The following IQSEC2 variants were observed in gnomAD, a reference collection of about 807,000 sequenced individuals.
IQSEC2 encodes IQ motif and Sec7 domain ArfGEF 2, also known as IQ motif and SEC7 domain-containing protein 2.
Under a neutral mutation model 74.6 loss-of-function variants are expected in IQSEC2, and 6 were observed. That is an observed-to-expected ratio of 0.08 (90% CI 0.04 to 0.16). The LOEUF is 0.16. IQSEC2 is among the 10% of genes least tolerant of loss of function. IQSEC2 has a pLI of 1.00. For synonymous variants in IQSEC2, 494 were observed against 544.5 expected (o/e 0.91, Z 1.29); for missense variants, 734 against 1,306.2 (o/e 0.56, Z 6.75).
intron 2 of IQSEC2, chrX:53,279,536 T>C (rs782730767): frequency 2.1e-6 from 2 of 936,678 alleles, no homozygotes; most frequent in African/African-American, 3.9e-5. Context: ...GGAGGAGGAA[T>C]TGGGGGAGGG....
At chrX:53,294,545 C>T (rs1254147908) in intron 1 of IQSEC2, among the ~76,000 whole-genome samples, 1 of 112,189 alleles carries the variant, frequency 8.9e-6, no homozygotes. Flanking sequence ...CCCTAATTGG[C>T]AGTGTGAACT....
intron 2 of IQSEC2, chrX:53,279,925 G>GCGA (rs2074919861): frequency 4.1e-6 from 1 of 245,067 alleles, no homozygotes; most frequent in African/African-American, 3.7e-5. Context: ...GAGGGAGGGA[G>GCGA]GGAGGGAGGA....
At chrX:53,290,930 A>G (rs1319631725) in intron 2 of IQSEC2, among the ~76,000 whole-genome samples, 3 of 112,649 alleles carry the variant, frequency 2.7e-5, no homozygotes, top group African/African-American at 6.5e-5. Flanking sequence ...GCTATGCTCA[A>G]TGGAGCCACT....
chrX:53,285,723 A>G (rs1321083586), intron 2 of IQSEC2, among the ~76,000 whole-genome samples: 4 of 112,587 alleles, frequency 3.6e-5, no homozygotes, highest in African/African-American at 1.3e-4. Context: ...AAAACTATCA[A>G]TTTTATTAAA....
intron 1 of IQSEC2, among the ~76,000 whole-genome samples, chrX:53,317,271 G>C (rs1232494805): frequency 9.0e-6 from 1 of 111,673 alleles, no homozygotes; most frequent in African/African-American, 3.3e-5. Context: ...ACCAAAAGGA[G>C]ACAGGGACGC....
At chrX:53,256,463 C>A (rs1172868783) in intron 2 of IQSEC2, among the ~76,000 whole-genome samples, 1 of 110,972 alleles carries the variant, frequency 9.0e-6, no homozygotes, top group Non-Finnish European at 1.9e-5. Flanking sequence ...GCTCCATCCC[C>A]TCCTGGCCTT....
chrX:53,293,012 C>T (rs1010747466), intron 1 of IQSEC2, among the ~76,000 whole-genome samples: 1 of 112,284 alleles, frequency 8.9e-6, no homozygotes, highest in African/African-American at 3.2e-5. Context: ...AGCACAGGCT[C>T]TGTCCTCAGC....
chrX:53,289,942 G>C (rs918061360), intron 2 of IQSEC2, among the ~76,000 whole-genome samples: 2 of 112,254 alleles, frequency 1.8e-5, no homozygotes, highest in Non-Finnish European at 3.8e-5. Context: ...CATTAAATAA[G>C]ATCATATTCC....
At chrX:53,300,526 T>G (rs1237214370) in intron 1 of IQSEC2, among the ~76,000 whole-genome samples, 1 of 111,654 alleles carries the variant, frequency 9.0e-6, no homozygotes, top group Non-Finnish European at 1.9e-5. Context: ...GAGCTCCTGG[T>G]AGTCAGGCGC....
At chrX:53,278,136 G>A (rs1430566061) in intron 2 of IQSEC2, among the ~76,000 whole-genome samples, 1 of 101,915 alleles carries the variant, frequency 9.8e-6, no homozygotes. Context: ...TCAGCCTCTC[G>A]AGTAGCTGGG....
At position 53,271,852 on chromosome X, in the gene IQSEC2, G is replaced by A. The variant is rs138485030; in HGVS notation, c.738-15791C>T. ...ATATTGGTTCTCAAGCTTTTTGAGG[G>A]GAATGCAAACCCCTTTACCAATTTA... is the stretch of plus-strand genomic sequence containing the variant. On this transcript the variant is annotated intron_variant, in intron 2 of 14. Coordinates refer to ENST00000642864, the MANE Select transcript of IQSEC2 (RefSeq NM_001111125.3). Among the ~76,000 whole-genome samples the A allele has an allele frequency of 5.1e-3, 563 of 111,428 alleles. 4 individuals are homozygous for A. Among genetic ancestry groups the A allele is most frequent in the African/African-American group, 0.018 (539 of 30,705 alleles).
chrX:53,299,324 G>A (rs1050448967), intron 1 of IQSEC2, among the ~76,000 whole-genome samples: 13 of 112,137 alleles, frequency 1.2e-4, no homozygotes, highest in African/African-American at 4.2e-4. Flanking sequence ...TGGAAACTCT[G>A]TGTGCAGGTG....
At chrX:53,292,728 G>A (rs2075112873) in intron 1 of IQSEC2, among the ~76,000 whole-genome samples, 1 of 111,576 alleles carries the variant, frequency 9.0e-6, no homozygotes, top group Non-Finnish European at 1.9e-5. Flanking sequence ...CTCCCACCAC[G>A]CCTTCCCAAG....
chrX:53,315,445 A>C (rs1023097073), intron 1 of IQSEC2, among the ~76,000 whole-genome samples: 4 of 111,630 alleles, frequency 3.6e-5, no homozygotes, highest in Admixed American at 9.5e-5. Context: ...AAATGAGGTA[A>C]GAAGTAGTGC....
In IQSEC2 at chrX:53,290,712, G is replaced by A. The variant is rs782129285; in HGVS notation, c.737+1183C>T. ...CCCATTCTTGGCTCTGGGTATCCGT[G>A]TGTTTACCCCAGATCCCCTGTCTGG... is the stretch of plus-strand genomic sequence containing the variant. On this transcript the variant is annotated intron_variant, in intron 2 of 14. Coordinates refer to ENST00000642864, the MANE Select transcript of IQSEC2 (RefSeq NM_001111125.3). Among the ~76,000 whole-genome samples, 4 of 111,953 alleles carry A rather than the reference G, an allele frequency of 3.6e-5. No homozygotes were observed. In the East Asian group the frequency reaches 1.1e-3, roughly 32 times the overall value.
intron 2 of IQSEC2, among the ~76,000 whole-genome samples, chrX:53,264,644 T>C (rs2074626982): frequency 9.2e-6 from 1 of 109,143 alleles, no homozygotes; most frequent in South Asian, 4.0e-4. Context: ...TCTCCTATAA[T>C]GCCTTCTCAC....
At chrX:53,306,168 C>T (rs943729479) in intron 1 of IQSEC2, among the ~76,000 whole-genome samples, 28 of 112,158 alleles carry the variant, frequency 2.5e-4, no homozygotes, top group Admixed American at 6.6e-4. Context: ...CCTCCAAGCC[C>T]CCCCGAGTGC....
At chrX:53,231,372 G>A (rs1556858376), downstream of IQSEC2, 1 of 111,874 alleles carries the variant, frequency 8.9e-6, no homozygotes, top group African/African-American at 3.3e-5. Flanking sequence ...CATTTTTGGG[G>A]AATAGTAAGT....
At chrX:53,293,821 A>G (rs1412573634) in intron 1 of IQSEC2, among the ~76,000 whole-genome samples, 2 of 112,314 alleles carry the variant, frequency 1.8e-5, no homozygotes, top group African/African-American at 6.5e-5. Context: ...CACTGTGAAC[A>G]AACTATGAGT....
Sources: gnomAD v4.1 joint callset for allele counts (sites outside exome capture counted in the v4.1 genomes callset) on GRCh38, gnomAD v4.1.1 for gene constraint, MANE v1.5 for transcripts, NCBI Gene and HGNC (gene_info 2026-07-23, HGNC 2026-07-21) for gene names.